Variants in CHD2 observed in about 807,000 individuals in gnomAD.
CHD2 encodes the protein chromodomain helicase DNA binding protein 2.
CHD2 carries 28 observed loss-of-function variants against 243.9 expected under a neutral mutation model. The ratio of observed to expected loss-of-function variants is 0.11; its 90% CI spans 0.09 to 0.16. CHD2 has a LOEUF of 0.16. Ranked by LOEUF, CHD2 falls within the 10% of genes least tolerant of loss-of-function variation. CHD2 has a pLI of 1.00. For synonymous variants in CHD2, 775 were observed against 779.0 expected (o/e 0.99, Z 0.09); for missense variants, 1,386 against 2,209.8 (o/e 0.63, Z 7.47).
In CHD2 at chr15:92,900,549, A is replaced by C. The variant is rs907324998; in HGVS notation, c.-347A>C. 7 of 398,568 alleles carry C rather than the reference A, an allele frequency of 1.8e-5. No homozygotes were observed. The highest frequency in any genetic ancestry group is 2.7e-5 in the Non-Finnish European group (6 of 226,068). The allele number at this position is 398,568 out of a possible 1,614,324, so 24.7% of individuals were successfully genotyped here. On this transcript the variant is annotated 5_prime_UTR_variant, in exon 1 of 39. Transcript: ENST00000394196. ...TTTTCGTGCCTTGTTGGAAAGAAGC[A>C]GCCGTACTGAGAGCCCAGGTCGTTG...
In CHD2 at chr15:93,024,634, A is replaced by C. The variant is rs12906163; in HGVS notation, c.5416A>C (p.Arg1806=). Residue 1806 remains arginine (R), a synonymous_variant, in exon 39 of 39, where the codon AGG becomes CGG. Coordinates refer to ENST00000394196, the MANE Select transcript of CHD2 (RefSeq NM_001271.4). ...CGATTCCAAGTCACCCCTGGATCAT[A>C]GGTCTCCTTTGGAGAGATCACTAGA... ...PHDSKSPLDH[R]SPLERSLEQK... 570,837 of 1,613,926 alleles carry C rather than the reference A, an allele frequency of 0.35. 108,098 individuals carry two copies. The highest frequency in any genetic ancestry group is 0.42 in the Middle Eastern group (2,571 of 6,062).
At chr15:92,951,358 A>G (rs987545053) in intron 13 of CHD2, among the ~76,000 whole-genome samples, 2 of 151,916 alleles carry the variant, frequency 1.3e-5, no homozygotes, top group South Asian at 4.2e-4. Context: ...TTTAGTAGAG[A>G]CGGGGTTTCA....
intron 16 of CHD2, among the ~76,000 whole-genome samples, chr15:92,961,441 C>A (rs78599904): frequency 0.015 from 2,249 of 152,258 alleles, 51 homozygotes; most frequent in African/African-American, 0.052. Context: ...TTCTCTGTCA[C>A]CCACGCTGAG....
chr15:92,984,950 ACTAT>A (rs1248154931), intron 25 of CHD2, among the ~76,000 whole-genome samples: 9 of 152,350 alleles, frequency 5.9e-5, no homozygotes, highest in African/African-American at 1.4e-4. Flanking sequence ...CATCACAGAC[ACTAT>A]CTAATTTGAT....
In CHD2 at chr15:92,953,572, C is replaced by T. The variant is rs780171086; in HGVS notation, c.1718C>T (p.Thr573Met). The T allele has an allele frequency of 3.1e-6, 5 of 1,613,216 alleles. No individual in the cohort carries two copies. The highest frequency in any genetic ancestry group is 2.2e-5 in the South Asian group (2 of 91,060). The part of the protein sequence containing the change: ...VYIGDLMSRN[T>M]IREYEWIHSQ... Reference sequence around the variant, plus strand: ...ATAGGTGACCTGATGAGCAGAAATACGGTGTGTAAACAAAAAGAGCTGGGT... The same window carrying T: ...ATAGGTGACCTGATGAGCAGAAATATGGTGTGTAAACAAAAAGAGCTGGGT... The change falls in exon 14 of 39, where the codon ACG (threonine) becomes ATG (methionine). Residue 573 changes from threonine to methionine, a missense_variant and splice_region_variant. By Grantham distance (81) the Thr-to-Met change is moderately conservative. Around this residue, in one of 19 missense-constraint regions of CHD2, gnomAD observed 63 missense variants for 108.8 expected, o/e 0.58. Coordinates refer to ENST00000394196, the MANE Select transcript of CHD2 (RefSeq NM_001271.4).
At chr15:92,978,692 A>T (rs2053939262) in intron 21 of CHD2, among the ~76,000 whole-genome samples, 1 of 152,250 alleles carries the variant, frequency 6.6e-6, no homozygotes, top group African/African-American at 2.4e-5. Flanking sequence ...TGGAAAAGTT[A>T]AATATCCTAT....
At position 93,027,963 on chromosome 15, in the gene CHD2, G is replaced by A. The variant is rs533073519; in HGVS notation, c.*3258G>A. On this transcript the variant is annotated 3_prime_UTR_variant, in exon 39 of 39. Coordinates refer to ENST00000394196, the MANE Select transcript of CHD2 (RefSeq NM_001271.4). The stretch of plus-strand genomic sequence containing the variant: ...TAAAACTGCTGTACTTTTGATTCTT[G>A]TATATTAAAAAGTGTTACTGAGCAT... 1 of 152,602 alleles carries A rather than the reference G, an allele frequency of 6.6e-6. No homozygotes were observed. The highest frequency in any genetic ancestry group is 1.5e-5 in the Non-Finnish European group (1 of 68,030). The allele number at this position is 152,602 out of a possible 1,614,324, so 9.5% of individuals were successfully genotyped here.
chr15:92,930,581 A>C (rs752012710), intron 5 of CHD2, among the ~76,000 whole-genome samples: 1 of 152,032 alleles, frequency 6.6e-6, no homozygotes, highest in African/African-American at 2.4e-5. Context: ...GGCATGTGCT[A>C]TCATGCCCAG....
At chr15:92,977,876 T>C (rs1279879522) in intron 20 of CHD2, among the ~76,000 whole-genome samples, 1 of 152,238 alleles carries the variant, frequency 6.6e-6, no homozygotes, top group Non-Finnish European at 1.5e-5. Context: ...AAAATAATTA[T>C]ACAGGTGACT....
chr15:92,967,216 T>A (rs2053777325), intron 16 of CHD2, 109 bp from the exon 17 acceptor site: 2 of 741,958 alleles, frequency 2.7e-6, no homozygotes, highest in African/African-American at 1.8e-5. Flanking sequence ...AGAGCTCTAG[T>A]GATTGATAAT....
chr15:93,017,068 C>A (rs1361100302), intron 37 of CHD2, among the ~76,000 whole-genome samples: 1 of 152,088 alleles, frequency 6.6e-6, no homozygotes, highest in Non-Finnish European at 1.5e-5. Context: ...AAATACACAC[C>A]GATTGCTAAG....
intron 32 of CHD2, among the ~76,000 whole-genome samples, chr15:93,001,975 A>G (rs2054262878): frequency 6.6e-6 from 1 of 152,220 alleles, no homozygotes; most frequent in South Asian, 2.1e-4. Context: ...GATATCAGTA[A>G]AGAGCTTCTG....
At chr15:92,916,576 T>TG (rs1008014729) in intron 2 of CHD2, among the ~76,000 whole-genome samples, 2 of 152,206 alleles carry the variant, frequency 1.3e-5, no homozygotes, top group Admixed American at 6.5e-5. Context: ...TTTTTTGAGT[T>TG]GGAGTCTCAC....
chr15:92,924,310 C>G lies in CHD2; in HGVS notation c.63-11C>G. On this transcript the variant is annotated splice_polypyrimidine_tract_variant and intron_variant, in intron 2 of 38. Transcript: ENST00000394196. ...TAAATATTTTTAAATCTCTCTCTCT[C>G]TCAAAATAAGTCACTCAGCCTCTGA... is the stretch of plus-strand genomic sequence containing the variant. 6.2e-7 allele frequency: 1 copy of G among 1,610,096 alleles called. No homozygotes were observed. Among genetic ancestry groups the G allele is most frequent in the Non-Finnish European group, 8.5e-7 (1 of 1,177,096 alleles).
At chr15:92,973,076 A>G (rs917782814) in intron 19 of CHD2, among the ~76,000 whole-genome samples, 3 of 152,204 alleles carry the variant, frequency 2.0e-5, no homozygotes, top group Non-Finnish European at 4.4e-5. Context: ...GCTCAATTCC[A>G]GGAGCCCAAA....
At chr15:92,939,001 G>C (rs924455823) in intron 6 of CHD2, among the ~76,000 whole-genome samples, 1 of 151,672 alleles carries the variant, frequency 6.6e-6, no homozygotes, top group Non-Finnish European at 1.5e-5. Flanking sequence ...TTGTTCTGTA[G>C]GTTTCTTTAT....
intron 31 of CHD2, among the ~76,000 whole-genome samples, chr15:92,999,074 A>G (rs1394730663): frequency 8.6e-6 from 1 of 116,718 alleles, no homozygotes; most frequent in Non-Finnish European, 1.7e-5. Flanking sequence ...ACAGAGCGAG[A>G]CTCCGTCTCA....
chr15:92,967,178 T>C, intron 16 of CHD2, 147 bp from the exon 17 acceptor site: 1 of 585,460 alleles, frequency 1.7e-6, no homozygotes, highest in Non-Finnish European at 3.0e-6. Context: ...CATTTTACTT[T>C]TCCCCTTTTT....
intron 23 of CHD2, 67 bp downstream of exon 23, chr15:92,980,978 T>G (rs2053972406): frequency 1.9e-6 from 2 of 1,063,622 alleles, no homozygotes; most frequent in Admixed American, 2.0e-5. Flanking sequence ...AACTTTTCTG[T>G]AAGAAGATTC....
Sources: gnomAD v4.1 joint callset for allele counts (sites outside exome capture counted in the v4.1 genomes callset) on GRCh38, gnomAD v4.1.1 for gene constraint, gnomAD v4.1.1 regional missense constraint, MANE v1.5 for transcripts, NCBI Gene and HGNC (gene_info 2026-07-23, HGNC 2026-07-21) for gene names.